ZNF687: variants seen among roughly 807,000 people sequenced by gnomAD.
ZNF687 encodes zinc finger protein 687.
Under a neutral mutation model 71.8 loss-of-function variants are expected in ZNF687, and 13 were observed. The observed-to-expected ratio is 0.18, with a 90% confidence interval of 0.12 to 0.29. ZNF687 has a LOEUF of 0.29. ZNF687 is among the 10% of genes least tolerant of loss of function. ZNF687 has a pLI of 1.00. For synonymous variants in ZNF687, 673 were observed against 641.6 expected, an observed-to-expected ratio of 1.05 and a Z score of -0.74; for missense variants, 1,412 against 1,625.6, an observed-to-expected ratio of 0.87 and a Z score of 2.26.
At chr1:151,282,176 G>C, upstream of ZNF687, 1 of 1,130,770 alleles carries the variant, frequency 8.8e-7, no homozygotes, top group Non-Finnish European at 1.1e-6. Context: ...CCCAGTGCGG[G>C]GCTGGAAGGG....
chr1:151,290,261 C>A, intron 7 of ZNF687, 27 bp downstream of exon 7: 1 of 1,610,434 alleles, frequency 6.2e-7, no homozygotes, highest in Non-Finnish European at 8.5e-7. Context: ...GCTTCCTCTT[C>A]CTGCCCAGCA....
chr1:151,281,777 G>T, upstream of ZNF687: 1 of 372,490 alleles, frequency 2.7e-6, no homozygotes, highest in South Asian at 2.0e-5. Flanking sequence ...CAGTGACACG[G>T]GTTTAGCTTG....
At chr1:151,282,994 C>T (rs1017587789) in intron 1 of ZNF687, 12 of 457,180 alleles carry the variant, frequency 2.6e-5, no homozygotes, top group Non-Finnish European at 3.2e-5. Flanking sequence ...CTCTCTCCTC[C>T]CCTCTTTCCA....
In ZNF687 at chr1:151,287,029, G is replaced by A. The variant is rs755061973; in HGVS notation, c.738G>A (p.Thr246=). 16 of 1,607,086 alleles carry A rather than the reference G, an allele frequency of 1.0e-5. No individual in the cohort carries two copies. Among genetic ancestry groups the A allele is most frequent in the Middle Eastern group, 3.3e-4 (2 of 6,026 alleles). The change falls in exon 2 of 9, where the codon ACG becomes ACA. Residue 246 remains threonine, a synonymous_variant. Transcript: ENST00000336715. This position sits in a 1 kb window ranked among gnomAD's most constrained non-coding sequence, Gnocchi z 5.0. The stretch of plus-strand genomic sequence containing the variant: ...GCTCAGGCTCCAGCCCTAAGGCCAC[G>A]GACATCCCTGCCAGTGCCTCGCCTC... ...QQGSGSSPKA[T]DIPASASPPP...
In ZNF687 at chr1:151,290,111, T is replaced by C; in HGVS notation, c.2965-11T>C. 6.2e-7 allele frequency: 1 copy of C among 1,613,912 alleles called. No individual in the cohort carries two copies. The highest frequency in any genetic ancestry group is 8.5e-7 in the Non-Finnish European group (1 of 1,179,902). Reference sequence around the variant, plus strand: ...GGAGCCTGGCTCTGACATCTACCCCTGCTCTCCTAGTCAGTGAAAAAGTTC... The same window carrying C: ...GGAGCCTGGCTCTGACATCTACCCCCGCTCTCCTAGTCAGTGAAAAAGTTC... On this transcript the variant is annotated splice_polypyrimidine_tract_variant and intron_variant, in intron 6 of 8. Transcript: ENST00000336715.
At chr1:151,282,585 A>G (rs1441771869) in intron 1 of ZNF687, among the ~76,000 whole-genome samples, 190 bp downstream of exon 1, 1 of 152,130 alleles carries the variant, frequency 6.6e-6, no homozygotes, top group African/African-American at 2.4e-5. Context: ...GGCCTGTTGT[A>G]AGCACAGTCC....
chr1:151,290,019 C>A lies in ZNF687; in HGVS notation c.2964+12C>A. On this transcript the variant is annotated intron_variant, in intron 6 of 8. Transcript: ENST00000336715. ...AGGAGCATGGCAAGGTGAGTGGGCC[C>A]CAAGGGGAGTACCATGGGCTGGGGG... The A allele has an allele frequency of 6.3e-7, 1 of 1,592,464 alleles. No individual in the cohort carries two copies. Among genetic ancestry groups the A allele is most frequent in the Non-Finnish European group, 8.6e-7 (1 of 1,167,158 alleles).
chr1:151,289,037 C>A, intron 3 of ZNF687, 58 bp from the exon 4 acceptor site: 1 of 1,554,042 alleles, frequency 6.4e-7, no homozygotes, highest in South Asian at 1.1e-5. Context: ...TGTATGGTCC[C>A]GGGGTGGGCA....
chr1:151,284,813 T>C (rs1693875100), intron 1 of ZNF687, among the ~76,000 whole-genome samples: 1 of 128,276 alleles, frequency 7.8e-6, no homozygotes, highest in Admixed American at 7.7e-5. Flanking sequence ...TTTTTTTTTT[T>C]TTTTTTTTTT....
rs376908655 is a variant in ZNF687, at chr1:151,288,150, C to T, written c.1859C>T (p.Ala620Val). ...GACATCACACCGCTGCTGCCTGTAG[C>T]TGTCCCACCTGTCTCTGGACCTCTG... ...QPDITPLLPV[A>V]VPPVSGPLAL... Residue 620 changes from alanine to valine, a missense_variant, in exon 2 of 9, where the codon GCT (alanine) becomes GTT (valine). Transcript: ENST00000336715. 8.9e-5 allele frequency: 144 copies of T among 1,613,876 alleles called. No homozygotes were observed. The South Asian group carries it at 1.4e-3, about 16-fold the overall frequency.
chr1:151,282,129 T>C, upstream of ZNF687: 1 of 1,239,406 alleles, frequency 8.1e-7, no homozygotes, highest in South Asian at 1.3e-5. Context: ...AAGAGGACTG[T>C]GCGGGGCTAG....
rs370413955 is a variant in ZNF687 at position 151,290,855 on chromosome 1, A to T, written c.3360A>T (p.Thr1120=). 6 of 1,613,970 alleles carry T rather than the reference A, an allele frequency of 3.7e-6. No individual in the cohort carries two copies. The African/African-American group carries it at 5.3e-5, about 14-fold the overall frequency. ...GPLRYRSSSS[T]EQSLMMGLRV... ...TGCGCTACCGGAGCAGCAGCTCCAC[A>T]GAACAGAGCCTCATGATGGGGTTGA... The change falls in exon 9 of 9, where the codon ACA becomes ACT. Residue 1120 remains threonine, a synonymous_variant. Coordinates refer to ENST00000336715, the MANE Select transcript of ZNF687 (RefSeq NM_020832.3).
At chr1:151,283,998 A>G (rs1423568756) in intron 1 of ZNF687, 1 of 985,352 alleles carries the variant, frequency 1.0e-6, no homozygotes, top group African/African-American at 1.7e-5. Context: ...GGTAGGGGAC[A>G]GACCTGGGTC....
chr1:151,285,975 C>T (rs948508952), intron 1 of ZNF687: 1 of 204,958 alleles, frequency 4.9e-6, no homozygotes. Flanking sequence ...CCTCCCAAAA[C>T]GCTGGGATTA....
chr1:151,282,222 C>T, upstream of ZNF687: 1 of 1,034,606 alleles, frequency 9.7e-7, no homozygotes, highest in African/African-American at 1.7e-5. Flanking sequence ...GGGCCAATGG[C>T]GAGTGCGAAA....
chr1:151,289,952 C>A lies in ZNF687; in HGVS notation c.2909C>A (p.Ser970Tyr). 1 of 1,568,054 alleles carries A rather than the reference C, an allele frequency of 6.4e-7. No homozygotes were observed. Among genetic ancestry groups the A allele is most frequent in the South Asian group, 1.1e-5 (1 of 87,038 alleles). Residue 970 changes from serine (S) to tyrosine (Y), a missense_variant, in exon 6 of 9, where the codon TCC becomes TAC. Transcript: ENST00000336715. ...PGGWTCGLCHSWFPERDEYVA... is the reference protein window; with the variant it reads ...PGGWTCGLCHYWFPERDEYVA... Reference sequence around the variant, plus strand: ...GGCTGGACCTGTGGCCTGTGTCACTCCTGGTTCCCTGAGCGTGATGAATAC... The same window carrying A: ...GGCTGGACCTGTGGCCTGTGTCACTACTGGTTCCCTGAGCGTGATGAATAC...
Position 151,282,308 on chromosome 1 carries a change from C to T in ZNF687, c.-105C>T, listed in dbSNP as rs1000756378. ...CGAACCGGAGAGAAGCAGGAAGTAG[C>T]GGCGGCCGCGGGGAGGGCGGCGGTG... On this transcript the variant is annotated 5_prime_UTR_variant, in exon 1 of 9. Transcript: ENST00000336715. 18 of 999,514 alleles carry T rather than the reference C, an allele frequency of 1.8e-5. No homozygotes were observed. The South Asian group carries it at 6.7e-4, about 37-fold the overall frequency. The allele number at this position is 999,514 out of a possible 1,614,324, so 61.9% of individuals were successfully genotyped here. A position where few individuals can be genotyped will look rare whatever the true frequency, so the allele number is the denominator to read the frequency against.
In ZNF687 at chr1:151,290,004, C is replaced by A; in HGVS notation, c.2961C>A (p.Gly987=). 6.3e-7 allele frequency: 1 copy of A among 1,585,528 alleles called. No individual in the cohort carries two copies. The highest frequency in any genetic ancestry group is 1.1e-5 in the South Asian group (1 of 87,766). ...EYVAHMKKEH[G]KSVKKFPCRL... is the part of the protein sequence containing the mutation. Reference sequence around the variant, plus strand: ...TGGCCCACATGAAGAAGGAGCATGGCAAGGTGAGTGGGCCCCAAGGGGAGT... The same window carrying A: ...TGGCCCACATGAAGAAGGAGCATGGAAAGGTGAGTGGGCCCCAAGGGGAGT... The change falls in exon 6 of 9, where the codon GGC becomes GGA. Residue 987 remains glycine, a synonymous_variant. Transcript: ENST00000336715.
Position 151,286,827 on chromosome 1 carries a change from C to G in ZNF687, c.536C>G (p.Pro179Arg). ...EPGDHSDPLP[P>R]SAPSPTREGA... is the part of the protein sequence containing the mutation. ...GGGGACCACTCAGATCCGCTGCCTCCCTCTGCACCCTCTCCCACTCGGGAG... is the reference window on the plus strand; with the variant it reads ...GGGGACCACTCAGATCCGCTGCCTCGCTCTGCACCCTCTCCCACTCGGGAG... Residue 179 changes from proline to arginine, a missense_variant, in exon 2 of 9, where the codon CCC becomes CGC. By Grantham distance (103) the Pro-to-Arg change is moderately radical. Coordinates refer to ENST00000336715, the MANE Select transcript of ZNF687 (RefSeq NM_020832.3). 6.2e-7 allele frequency: 1 copy of G among 1,614,172 alleles called. No individual in the cohort carries two copies. Among genetic ancestry groups the G allele is most frequent in the Non-Finnish European group, 8.5e-7 (1 of 1,180,012 alleles).
Sources: gnomAD v4.1 joint callset for allele counts (sites outside exome capture counted in the v4.1 genomes callset) on GRCh38, gnomAD v4.1.1 for gene constraint, Gnocchi (gnomAD v3.1) non-coding constraint, MANE v1.5 for transcripts, NCBI Gene and HGNC (gene_info 2026-07-23, HGNC 2026-07-21) for gene names.